Variants in TTC28 observed in about 807,000 individuals in gnomAD.
The protein encoded by TTC28 is tetratricopeptide repeat domain 28.
A neutral mutation model predicts 198.0 loss-of-function variants in TTC28; 61 were observed. The observed-to-expected ratio is 0.31, with a 90% CI of 0.25 to 0.38. The LOEUF (loss-of-function observed/expected upper bound fraction) is 0.38, where lower values mean the gene tolerates loss of function less well. Ranked by LOEUF, TTC28 falls within the 10% of genes least tolerant of loss-of-function variation. The pLI is 1.00. For synonymous variants in TTC28, 1,171 were observed against 1,297.8 expected (o/e 0.90, Z 2.10); for missense variants, 2,678 against 3,164.0 (o/e 0.85, Z 3.69).
chr22:28,324,742 AAAT>A (rs1406153468), intron 2 of TTC28, among the ~76,000 whole-genome samples: 3 of 152,194 alleles, frequency 2.0e-5, no homozygotes, highest in Non-Finnish European at 4.4e-5. Context: ...ACGTATCTAA[AAAT>A]AATAAGAGCT....
intron 2 of TTC28, among the ~76,000 whole-genome samples, chr22:28,524,782 G>T (rs1408702496): frequency 6.6e-6 from 1 of 152,142 alleles, no homozygotes; most frequent in Non-Finnish European, 1.5e-5. Flanking sequence ...CAAATGCACA[G>T]TAAAACAGGC....
At chr22:28,386,829 TG>T (rs760774903) in intron 2 of TTC28, among the ~76,000 whole-genome samples, 1 of 150,886 alleles carries the variant, frequency 6.6e-6, no homozygotes, top group Non-Finnish European at 1.5e-5. Context: ...TTTGTTTTTT[TG>T]TTTTGTTTTG....
At chr22:28,490,407 C>G (rs998724929) in intron 2 of TTC28, among the ~76,000 whole-genome samples, 3 of 152,144 alleles carry the variant, frequency 2.0e-5, no homozygotes, top group Non-Finnish European at 2.9e-5. Flanking sequence ...CCTGGAACAA[C>G]CAAGGCAATG....
In TTC28 at chr22:28,044,627, C is replaced by T. The variant is rs143759288; in HGVS notation, c.3933-14261G>A. The stretch of plus-strand genomic sequence containing the variant: ...GCTCCCCCCAACCCACAACAGTCCC[C>T]GGTATGTGATGTTCCCCTTCCTGTG... On this transcript the variant is annotated intron_variant, in intron 12 of 22. Coordinates refer to ENST00000397906, the MANE Select transcript of TTC28 (RefSeq NM_001145418.2). Among the ~76,000 whole-genome samples, 332 of 152,218 alleles carry T rather than the reference C, an allele frequency of 2.2e-3. 2 individuals are homozygous for T. The highest frequency in any genetic ancestry group is 7.8e-3 in the African/African-American group (323 of 41,522).
chr22:28,144,838 C>T (rs996055676), intron 6 of TTC28, among the ~76,000 whole-genome samples: 2 of 152,180 alleles, frequency 1.3e-5, no homozygotes, highest in Admixed American at 6.5e-5. Flanking sequence ...GCGAAGGGTG[C>T]GCCTCACCAT....
intron 2 of TTC28, among the ~76,000 whole-genome samples, chr22:28,548,747 T>A (rs2145953836): frequency 6.6e-6 from 1 of 152,330 alleles, no homozygotes; most frequent in East Asian, 1.9e-4. Flanking sequence ...ATTATTATAG[T>A]TTAAAGTTTT....
chr22:28,528,256 T>C (rs2049048897), intron 2 of TTC28, among the ~76,000 whole-genome samples: 1 of 152,222 alleles, frequency 6.6e-6, no homozygotes, highest in African/African-American at 2.4e-5. Flanking sequence ...TTATGGAGTT[T>C]ATAATTATGA....
chr22:28,193,770 CATCCAG>C (rs889965097), intron 5 of TTC28, among the ~76,000 whole-genome samples: 1 of 152,112 alleles, frequency 6.6e-6, no homozygotes, highest in African/African-American at 2.4e-5. Flanking sequence ...AATAAAGGAG[CATCCAG>C]ATTCATAAAT....
At chr22:28,598,013 C>A (rs1257612632) in intron 2 of TTC28, among the ~76,000 whole-genome samples, 1 of 151,922 alleles carries the variant, frequency 6.6e-6, no homozygotes, top group Non-Finnish European at 1.5e-5. Context: ...CAGGCATGAG[C>A]CACTGTGCCT....
At chr22:28,237,922 C>G (rs1224263323) in intron 5 of TTC28, among the ~76,000 whole-genome samples, 7 of 152,120 alleles carry the variant, frequency 4.6e-5, no homozygotes, top group African/African-American at 1.7e-4. Context: ...ACCAAGATAT[C>G]ATCCCATCGT....
At chr22:28,206,225 A>G (rs1926394264) in intron 5 of TTC28, among the ~76,000 whole-genome samples, 1 of 152,188 alleles carries the variant, frequency 6.6e-6, no homozygotes. Flanking sequence ...TGATAAATGT[A>G]TGCATTTAAA....
intron 2 of TTC28, among the ~76,000 whole-genome samples, chr22:28,535,573 T>C (rs1394754986): frequency 6.6e-6 from 1 of 152,202 alleles, no homozygotes; most frequent in Non-Finnish European, 1.5e-5. Flanking sequence ...ATCTATTCTA[T>C]TGTTAATGGG....
chr22:28,396,307 G>A (rs1303858806), intron 2 of TTC28, among the ~76,000 whole-genome samples: 1 of 152,154 alleles, frequency 6.6e-6, no homozygotes, highest in Non-Finnish European at 1.5e-5. Context: ...AAATAAGAGC[G>A]ATTTCACTAG....
chr22:28,327,250 C>G (rs545634051), intron 2 of TTC28, among the ~76,000 whole-genome samples: 1 of 152,170 alleles, frequency 6.6e-6, no homozygotes, highest in African/African-American at 2.4e-5. Flanking sequence ...CGTACATTCA[C>G]CTAATTATTA....
intron 2 of TTC28, among the ~76,000 whole-genome samples, chr22:28,495,081 A>AAAATT (rs2048435287): frequency 6.6e-6 from 1 of 152,070 alleles, no homozygotes; most frequent in Non-Finnish European, 1.5e-5. Context: ...GAGATATGAG[A>AAAATT]AAATTATCTC....
chr22:28,580,817 T>C (rs2050223275), intron 2 of TTC28, among the ~76,000 whole-genome samples: 1 of 152,154 alleles, frequency 6.6e-6, no homozygotes, highest in Admixed American at 6.5e-5. Flanking sequence ...CAGCTATCTA[T>C]CTCATTCTGA....
intron 5 of TTC28, among the ~76,000 whole-genome samples, chr22:28,172,825 G>A (rs758106706): frequency 6.6e-5 from 10 of 152,188 alleles, no homozygotes; most frequent in Non-Finnish European, 1.2e-4. Flanking sequence ...AATGGAATAG[G>A]ATTTAGCATC....
chr22:28,191,963 G>T (rs1924827970), intron 5 of TTC28, among the ~76,000 whole-genome samples: 1 of 152,202 alleles, frequency 6.6e-6, no homozygotes. Flanking sequence ...GCACGCAGCT[G>T]GAGATCTGAG....
At chr22:28,119,459 C>T (rs1406294018) in intron 6 of TTC28, among the ~76,000 whole-genome samples, 3 of 152,208 alleles carry the variant, frequency 2.0e-5, no homozygotes, top group Non-Finnish European at 4.4e-5. Flanking sequence ...CACCTAAGGA[C>T]AGTGCAAAAC....
Sources: allele counts gnomAD v4.1 joint callset (sites outside exome capture counted in the v4.1 genomes callset), GRCh38; gene constraint gnomAD v4.1.1; transcripts MANE v1.5; gene names NCBI Gene and HGNC (gene_info 2026-07-23, HGNC 2026-07-21).